The following PDZRN3 variants were observed in gnomAD, a reference collection of about 807,000 sequenced individuals.
PDZRN3 encodes the protein PDZ domain containing ring finger 3.
A neutral mutation model predicts 85.7 loss-of-function variants in PDZRN3; 38 were observed. That is an observed-to-expected ratio of 0.44 (90% CI 0.34 to 0.58). PDZRN3 has a LOEUF of 0.58. PDZRN3 is among the 20% of genes least tolerant of loss of function. The pLI is 0.01. For synonymous variants in PDZRN3, 759 were observed against 638.0 expected (o/e 1.19, Z -2.86); for missense variants, 1,629 against 1,506.4 (o/e 1.08, Z -1.35).
intron 1 of PDZRN3, among the ~76,000 whole-genome samples, chr3:73,617,095 T>C (rs7641488): frequency 0.38 from 58,015 of 152,036 alleles, 13,538 homozygotes; most frequent in Non-Finnish European, 0.51. Context: ...AAACAGCTTT[T>C]AGCAAAATAC....
intron 3 of PDZRN3, among the ~76,000 whole-genome samples, chr3:73,459,766 T>G (rs1040781961): frequency 2.0e-5 from 3 of 152,246 alleles, no homozygotes; most frequent in Admixed American, 6.5e-5. Flanking sequence ...GATGGGCATT[T>G]TGGTTGATTC....
intron 3 of PDZRN3, among the ~76,000 whole-genome samples, chr3:73,572,309 T>C (rs1384887312): frequency 3.9e-5 from 6 of 152,240 alleles, no homozygotes; most frequent in Non-Finnish European, 8.8e-5. Context: ...TCTTCCAAAG[T>C]AACAAAGTTC....
chr3:73,410,523 T>C (rs528751625), intron 3 of PDZRN3, among the ~76,000 whole-genome samples: 36 of 152,334 alleles, frequency 2.4e-4, no homozygotes, highest in Non-Finnish European at 4.1e-4. Flanking sequence ...TTGGTATTTT[T>C]ACAACCATCA....
chr3:73,604,650 G>C (rs1226524372), intron 2 of PDZRN3, among the ~76,000 whole-genome samples: 1 of 152,180 alleles, frequency 6.6e-6, no homozygotes, highest in African/African-American at 2.4e-5. Flanking sequence ...GAACAAGCTT[G>C]AGTTCCCTAA....
intron 3 of PDZRN3, among the ~76,000 whole-genome samples, chr3:73,550,295 G>A (rs1360599447): frequency 2.0e-5 from 3 of 152,134 alleles, no homozygotes; most frequent in African/African-American, 7.2e-5. Context: ...TGGCCCAGTG[G>A]CCTGCGTTTT....
chr3:73,391,696 C>G (rs949195102), intron 5 of PDZRN3, among the ~76,000 whole-genome samples: 8 of 152,120 alleles, frequency 5.3e-5, no homozygotes, highest in African/African-American at 1.7e-4. Flanking sequence ...AAGAGAAAAG[C>G]AAAGTGAGCC....
At chr3:73,427,358 C>T (rs912612094) in intron 3 of PDZRN3, among the ~76,000 whole-genome samples, 10 of 152,260 alleles carry the variant, frequency 6.6e-5, no homozygotes, top group South Asian at 2.1e-4. Flanking sequence ...CCACACTGGT[C>T]GGAGAATGCA....
At chr3:73,426,242 GAGACTCTTCCAT>G (rs1204957011) in intron 3 of PDZRN3, among the ~76,000 whole-genome samples, 1 of 151,596 alleles carries the variant, frequency 6.6e-6, no homozygotes, top group Non-Finnish European at 1.5e-5. Context: ...GCAACTTCCA[GAGACTCTTCCAT>G]AGTCAGAAAC....
chr3:73,392,215 C>G (rs1701542838), intron 5 of PDZRN3, among the ~76,000 whole-genome samples: 1 of 152,244 alleles, frequency 6.6e-6, no homozygotes, highest in South Asian at 2.1e-4. Context: ...ATGGCCAGAG[C>G]CCCATGTTCA....
intron 3 of PDZRN3, among the ~76,000 whole-genome samples, chr3:73,594,321 A>AT (rs1286409237): frequency 1.3e-5 from 2 of 152,104 alleles, no homozygotes; most frequent in Non-Finnish European, 2.9e-5. Flanking sequence ...TAGCAGCTCC[A>AT]CATACTTGCT....
chr3:73,383,611 G>C lies in PDZRN3; in HGVS notation c.2955C>G (p.Ala985=), dbSNP rs776192075. ...KEERKQHLVK[A]KEQRRRREFM... ...ACTCGCGCCGCCGCCGCTGCTCCTTGGCCTTCACCAGGTGCTGCTTCCTCT... is the reference window on the plus strand; with the variant it reads ...ACTCGCGCCGCCGCCGCTGCTCCTTCGCCTTCACCAGGTGCTGCTTCCTCT... The change falls in exon 10 of 10, where the codon GCC becomes GCG. Residue 985 remains alanine, a synonymous_variant. Coordinates refer to ENST00000263666, the MANE Select transcript of PDZRN3 (RefSeq NM_015009.3). 1.2e-6 allele frequency: 2 copies of C among 1,613,884 alleles called. No individual in the cohort carries two copies. The highest frequency in any genetic ancestry group is 1.7e-6 in the Non-Finnish European group (2 of 1,180,028).
chr3:73,449,009 C>T (rs920998297), intron 3 of PDZRN3, among the ~76,000 whole-genome samples: 1 of 152,206 alleles, frequency 6.6e-6, no homozygotes, highest in African/African-American at 2.4e-5. Flanking sequence ...GGACTTTGAA[C>T]CTCTGATTCT....
chr3:73,589,891 A>G (rs916051751), intron 3 of PDZRN3, among the ~76,000 whole-genome samples: 8 of 152,178 alleles, frequency 5.3e-5, no homozygotes, highest in African/African-American at 1.9e-4. Context: ...TCAGATTTAT[A>G]TATATATTCA....
intron 3 of PDZRN3, among the ~76,000 whole-genome samples, chr3:73,406,365 T>C (rs1701854565): frequency 1.3e-5 from 2 of 152,110 alleles, no homozygotes; most frequent in Non-Finnish European, 1.5e-5. Context: ...GGGGTGTAGA[T>C]GGGGATGAAA....
rs143544471 is a variant in PDZRN3, at chr3:73,522,667, C to CTT, written c.918+79685_918+79686dup. ...TCTTTGTTTTTGGAGGAATATTTCACTTTACAGAAGATTTGCTCTTGGCCT... is the reference window on the plus strand; with the variant it reads ...TCTTTGTTTTTGGAGGAATATTTCACTTTTTACAGAAGATTTGCTCTTGGCCT... On this transcript the variant is annotated intron_variant, in intron 3 of 9. Transcript: ENST00000263666. Among the ~76,000 whole-genome samples the CTT allele has an allele frequency of 5.7e-3, 866 of 152,294 alleles. 2 individuals are homozygous for CTT. The highest frequency in any genetic ancestry group is 0.02 in the African/African-American group (815 of 41,574).
At chr3:73,430,709 C>G (rs1304164594) in intron 3 of PDZRN3, among the ~76,000 whole-genome samples, 1 of 152,216 alleles carries the variant, frequency 6.6e-6, no homozygotes, top group Non-Finnish European at 1.5e-5. Flanking sequence ...GGCCCCAACA[C>G]CTGGTAACCA....
chr3:73,571,500 G>A (rs1473880285), intron 3 of PDZRN3, among the ~76,000 whole-genome samples: 25 of 152,236 alleles, frequency 1.6e-4, no homozygotes, highest in Admixed American at 1.5e-3. Flanking sequence ...GTGAGGGGCA[G>A]TCCAGCTGTA....
At chr3:73,406,956 T>A (rs1048228389) in intron 3 of PDZRN3, among the ~76,000 whole-genome samples, 4 of 152,204 alleles carry the variant, frequency 2.6e-5, no homozygotes, top group East Asian at 3.9e-4. Context: ...CACGCACCCA[T>A]CCTCACCCCA....
intron 3 of PDZRN3, among the ~76,000 whole-genome samples, chr3:73,590,159 C>CG: frequency 9.5e-6 from 1 of 105,050 alleles, no homozygotes; most frequent in Non-Finnish European, 2.3e-5. Flanking sequence ...ATCCCAGCTA[C>CG]TTGGGGGGCT....
Sources: allele counts gnomAD v4.1 joint callset (sites outside exome capture counted in the v4.1 genomes callset), GRCh38; gene constraint gnomAD v4.1.1; transcripts MANE v1.5; gene names NCBI Gene and HGNC (gene_info 2026-07-23, HGNC 2026-07-21).